The following CDH13 variants were observed in gnomAD, a reference collection of about 807,000 sequenced individuals.
The protein encoded by CDH13 is cadherin-13.
CDH13 carries 24 observed loss-of-function variants against 63.8 expected under a neutral mutation model. The ratio of observed to expected loss-of-function variants is 0.38; its 90% CI spans 0.27 to 0.53. The LOEUF (loss-of-function observed/expected upper bound fraction) is 0.53, where lower values mean the gene tolerates loss of function less well. Ranked by LOEUF, CDH13 falls within the 20% of genes least tolerant of loss-of-function variation. The pLI is 0.85. For synonymous variants in CDH13, 503 were observed against 355.3 expected (o/e 1.42, Z -4.67); for missense variants, 1,049 against 903.1 (o/e 1.16, Z -2.07).
At chr16:83,053,276 G>T (rs1178563373) in intron 3 of CDH13, among the ~76,000 whole-genome samples, 1 of 152,056 alleles carries the variant, frequency 6.6e-6, no homozygotes, top group Non-Finnish European at 1.5e-5. Flanking sequence ...GAGTTAAAAA[G>T]GTATCATAAC....
intron 10 of CDH13, among the ~76,000 whole-genome samples, chr16:83,698,308 T>C (rs1905693076): frequency 6.6e-6 from 1 of 152,208 alleles, no homozygotes; most frequent in African/African-American, 2.4e-5. Flanking sequence ...TTAAATATCT[T>C]CACTTAATTA....
At chr16:83,730,389 A>G (rs1035997939) in intron 10 of CDH13, among the ~76,000 whole-genome samples, 3 of 152,184 alleles carry the variant, frequency 2.0e-5, no homozygotes, top group Admixed American at 2.0e-4. Context: ...TAAGCTAAAT[A>G]ATTAGAGGAA....
chr16:82,789,622 C>A (rs567486195), intron 1 of CDH13, among the ~76,000 whole-genome samples: 1 of 152,220 alleles, frequency 6.6e-6, no homozygotes, highest in Non-Finnish European at 1.5e-5. Context: ...GCAGGACACA[C>A]CTGTTTCTAC....
intron 6 of CDH13, among the ~76,000 whole-genome samples, chr16:83,357,098 C>G (rs1193285606): frequency 2.0e-5 from 3 of 152,130 alleles, no homozygotes; most frequent in Non-Finnish European, 2.9e-5. Flanking sequence ...TAGTCAAGCT[C>G]TGTATCCTTA....
At chr16:82,858,268 C>A in intron 1 of CDH13, 94 bp from the exon 2 acceptor site, 1 of 731,300 alleles carries the variant, frequency 1.4e-6, no homozygotes, top group Non-Finnish European at 2.4e-6. Context: ...AAATCAAAAC[C>A]TCAGCTTGTT....
chr16:83,174,225 A>G (rs2038033301), intron 4 of CDH13, among the ~76,000 whole-genome samples: 1 of 152,058 alleles, frequency 6.6e-6, no homozygotes, highest in Non-Finnish European at 1.5e-5. Flanking sequence ...TCAATTGAAC[A>G]TATCTTGAAC....
chr16:82,659,479 C>A (rs967314005), intron 1 of CDH13, among the ~76,000 whole-genome samples: 2 of 152,122 alleles, frequency 1.3e-5, no homozygotes, highest in Admixed American at 6.5e-5. Flanking sequence ...GCAGTCCATT[C>A]TCAAATGGAA....
intron 6 of CDH13, among the ~76,000 whole-genome samples, chr16:83,381,612 C>CTCTATAATT (rs2091568606): frequency 6.6e-6 from 1 of 152,004 alleles, no homozygotes. Flanking sequence ...CCCATATCAC[C>CTCTATAATT]TCTATAATTC....
chr16:83,469,277 A>G (rs1237354839), intron 6 of CDH13, among the ~76,000 whole-genome samples: 1 of 152,182 alleles, frequency 6.6e-6, no homozygotes. Flanking sequence ...TTATAGCAGG[A>G]GGAAGAATTT....
chr16:83,462,731 G>C (rs970097964), intron 6 of CDH13, among the ~76,000 whole-genome samples: 3 of 152,186 alleles, frequency 2.0e-5, no homozygotes, highest in African/African-American at 7.2e-5. Flanking sequence ...ACTCCAGCCT[G>C]GGTGACAGAG....
At chr16:82,681,656 A>G (rs1332605470) in intron 1 of CDH13, among the ~76,000 whole-genome samples, 1 of 152,166 alleles carries the variant, frequency 6.6e-6, no homozygotes, top group Non-Finnish European at 1.5e-5. Flanking sequence ...CCCCCGTTGC[A>G]TTCCCTCACC....
At chr16:83,262,355 C>A (rs900402842) in intron 5 of CDH13, among the ~76,000 whole-genome samples, 1 of 152,086 alleles carries the variant, frequency 6.6e-6, no homozygotes, top group Non-Finnish European at 1.5e-5. Context: ...ACTCTGAGAG[C>A]CAGAGGAATC....
At chr16:83,307,337 C>G (rs187196089) in intron 5 of CDH13, among the ~76,000 whole-genome samples, 117 of 152,284 alleles carry the variant, frequency 7.7e-4, no homozygotes, top group East Asian at 5.0e-3. Context: ...TTCTTAAGCC[C>G]TTCTCCTGGG....
rs937780971 is a variant in CDH13 at position 82,644,370 on chromosome 16, C to T, written c.45+17233C>T. Among the ~76,000 whole-genome samples, 1 of 152,166 alleles carries T rather than the reference C, an allele frequency of 6.6e-6. No homozygotes were observed. Among genetic ancestry groups the T allele is most frequent in the African/African-American group, 2.4e-5 (1 of 41,434 alleles). ...CTCCCTCTGTGCTCTCCATCACCCCCCTACGGAGTTCCTTTGATTCTCAGG... is the reference window on the plus strand; with the variant it reads ...CTCCCTCTGTGCTCTCCATCACCCCTCTACGGAGTTCCTTTGATTCTCAGG... On this transcript the variant is annotated intron_variant, in intron 1 of 13. Coordinates refer to ENST00000567109, the MANE Select transcript of CDH13 (RefSeq NM_001257.5). This position sits in a 1 kb window ranked among gnomAD's most constrained non-coding sequence, Gnocchi z 5.7.
At chr16:82,890,664 T>A (rs1426376595) in intron 2 of CDH13, among the ~76,000 whole-genome samples, 1 of 151,718 alleles carries the variant, frequency 6.6e-6, no homozygotes, top group Non-Finnish European at 1.5e-5. Flanking sequence ...TTTTTTTTTT[T>A]TTTCCAAGAC....
intron 10 of CDH13, among the ~76,000 whole-genome samples, chr16:83,705,017 A>G (rs1049448738): frequency 1.3e-5 from 2 of 152,256 alleles, no homozygotes; most frequent in Admixed American, 1.3e-4. Context: ...TCTCACTTAG[A>G]TGAGTTTTCT....
intron 1 of CDH13, among the ~76,000 whole-genome samples, chr16:82,725,297 A>G (rs2033032088): frequency 6.6e-6 from 1 of 152,194 alleles, no homozygotes; most frequent in Non-Finnish European, 1.5e-5. Context: ...TCCCAGCTCT[A>G]TCACCAAACC....
chr16:83,306,009 C>T (rs1051580584), intron 5 of CDH13, among the ~76,000 whole-genome samples: 1 of 152,112 alleles, frequency 6.6e-6, no homozygotes, highest in Non-Finnish European at 1.5e-5. Flanking sequence ...TTGAGGCTGC[C>T]CTGTGCACTA....
At chr16:83,644,960 C>G (rs1342179966) in intron 8 of CDH13, among the ~76,000 whole-genome samples, 3 of 152,194 alleles carry the variant, frequency 2.0e-5, no homozygotes, top group Admixed American at 6.5e-5. Flanking sequence ...ATATTCTGGG[C>G]TCCTCGCTTG....
Sources: gnomAD v4.1 joint callset for allele counts (sites outside exome capture counted in the v4.1 genomes callset) on GRCh38, gnomAD v4.1.1 for gene constraint, Gnocchi (gnomAD v3.1) non-coding constraint, MANE v1.5 for transcripts, NCBI Gene and HGNC (gene_info 2026-07-23, HGNC 2026-07-21) for gene names.